NELL1: variants seen among roughly 807,000 people sequenced by gnomAD.
The protein encoded by NELL1 is protein kinase C-binding protein NELL1.
A neutral mutation model predicts 107.4 loss-of-function variants in NELL1; 76 were observed. That is an observed-to-expected ratio of 0.71 (90% CI 0.59 to 0.86). NELL1 has a LOEUF of 0.86. Among genes scored for constraint, NELL1 ranks in the 40% least tolerant of loss-of-function variants. The pLI is 0.00. For missense variants in NELL1, 1,024 were observed against 1,005.5 expected, an observed-to-expected ratio of 1.02 and a Z score of -0.25; for synonymous variants, 353 against 341.2, an observed-to-expected ratio of 1.03 and a Z score of -0.38.
intron 14 of NELL1, among the ~76,000 whole-genome samples, chr11:21,300,471 G>A (rs1489998808): frequency 6.6e-6 from 1 of 151,988 alleles, no homozygotes; most frequent in African/African-American, 2.4e-5. Flanking sequence ...GTGATGAGAA[G>A]TGGTTTATAC....
chr11:21,337,161 G>A (rs2133695277), intron 14 of NELL1, among the ~76,000 whole-genome samples: 1 of 152,150 alleles, frequency 6.6e-6, no homozygotes, highest in East Asian at 1.9e-4. Flanking sequence ...AGTATTTCCT[G>A]AAAATGGAAC....
chr11:20,844,835 G>A (rs1211328222), intron 3 of NELL1, among the ~76,000 whole-genome samples: 2 of 152,244 alleles, frequency 1.3e-5, no homozygotes, highest in South Asian at 2.1e-4. Flanking sequence ...AATTTCCACA[G>A]GTGATGCTGC....
At chr11:21,182,254 C>T (rs1423427152) in intron 13 of NELL1, among the ~76,000 whole-genome samples, 3 of 151,540 alleles carry the variant, frequency 2.0e-5, no homozygotes, top group South Asian at 4.2e-4. Context: ...GCCAACATAG[C>T]GAAACCCCGT....
At chr11:21,537,428 C>G (rs1218457565) in intron 16 of NELL1, among the ~76,000 whole-genome samples, 3 of 152,074 alleles carry the variant, frequency 2.0e-5, no homozygotes, top group African/African-American at 4.8e-5. Context: ...AGGGCCTTTG[C>G]CTTTACTGTT....
chr11:21,217,516 G>A (rs1857645124), intron 13 of NELL1, among the ~76,000 whole-genome samples: 1 of 152,078 alleles, frequency 6.6e-6, no homozygotes, highest in South Asian at 2.1e-4. Flanking sequence ...AATTCTTTTG[G>A]ATGACATAGT....
intron 5 of NELL1, among the ~76,000 whole-genome samples, chr11:20,911,682 C>G (rs537405563): frequency 6.6e-6 from 1 of 152,274 alleles, no homozygotes; most frequent in South Asian, 2.1e-4. Flanking sequence ...CAATTTCACC[C>G]AGTCCATCTT....
At chr11:21,322,551 G>A (rs190216564) in intron 14 of NELL1, among the ~76,000 whole-genome samples, 1 of 151,922 alleles carries the variant, frequency 6.6e-6, no homozygotes, top group Admixed American at 6.6e-5. Context: ...ATCAGAAAAT[G>A]GTATAAAATG....
chr11:20,736,458 A>G (rs2133928457), intron 2 of NELL1, among the ~76,000 whole-genome samples: 1 of 146,478 alleles, frequency 6.8e-6, no homozygotes, highest in East Asian at 2.2e-4. Flanking sequence ...CCAGCGTCAA[A>G]GCTGGCCCCT....
At chr11:21,319,642 G>A (rs1030265540) in intron 14 of NELL1, among the ~76,000 whole-genome samples, 3 of 151,186 alleles carry the variant, frequency 2.0e-5, no homozygotes, top group Admixed American at 6.6e-5. Context: ...GCGCCCAGCC[G>A]GAAACTATTC....
At chr11:21,166,854 T>A (rs1032555820) in intron 13 of NELL1, among the ~76,000 whole-genome samples, 2 of 151,928 alleles carry the variant, frequency 1.3e-5, no homozygotes, top group African/African-American at 4.9e-5. Context: ...GGCCTTTTGT[T>A]ATTAAAAGAC....
intron 12 of NELL1, among the ~76,000 whole-genome samples, chr11:20,978,375 A>G (rs10766753): frequency 0.17 from 25,236 of 152,140 alleles, 2,396 homozygotes; most frequent in Middle Eastern, 0.28. Context: ...CCAAGTTTAT[A>G]CTGTTAATAA....
At chr11:20,679,858 ATTTCT>A (rs1297196966) in intron 2 of NELL1, among the ~76,000 whole-genome samples, 1 of 152,176 alleles carries the variant, frequency 6.6e-6, no homozygotes, top group African/African-American at 2.4e-5. Context: ...TGGAATTAAA[ATTTCT>A]TTTGTACTAT....
intron 2 of NELL1, among the ~76,000 whole-genome samples, chr11:20,777,330 A>G (rs745508772): frequency 6.6e-6 from 1 of 152,236 alleles, no homozygotes; most frequent in Non-Finnish European, 1.5e-5. Flanking sequence ...CAGTAATAAG[A>G]TATACAGGTT....
intron 5 of NELL1, among the ~76,000 whole-genome samples, chr11:20,906,022 A>G (rs1024708927): frequency 7.2e-5 from 11 of 152,198 alleles, no homozygotes; most frequent in Admixed American, 1.3e-4. Context: ...CGCAAAGAGA[A>G]TCTTGAGAGC....
At chr11:21,448,359 T>G (rs1853494320) in intron 15 of NELL1, among the ~76,000 whole-genome samples, 1 of 152,228 alleles carries the variant, frequency 6.6e-6, no homozygotes, top group Non-Finnish European at 1.5e-5. Context: ...ATATTTTCTT[T>G]GTGTTTTCTT....
chr11:21,342,123 G>T (rs1341554323), intron 14 of NELL1, among the ~76,000 whole-genome samples: 2 of 152,050 alleles, frequency 1.3e-5, no homozygotes, highest in Non-Finnish European at 2.9e-5. Flanking sequence ...GGTGAGAGAA[G>T]GTATATAAAA....
chr11:20,957,617 ATATT>A (rs1415509646), intron 11 of NELL1, among the ~76,000 whole-genome samples: 10 of 152,238 alleles, frequency 6.6e-5, no homozygotes, highest in African/African-American at 2.4e-4. Context: ...TCAATATAAA[ATATT>A]TATATGTAAC....
chr11:21,375,503 G>A (rs1468750463), intron 15 of NELL1, among the ~76,000 whole-genome samples: 1 of 152,114 alleles, frequency 6.6e-6, no homozygotes, highest in African/African-American at 2.4e-5. Flanking sequence ...TGTGAATAGT[G>A]CTGCAACGAA....
At chr11:21,443,625 T>C (rs1292235577) in intron 15 of NELL1, among the ~76,000 whole-genome samples, 1 of 152,048 alleles carries the variant, frequency 6.6e-6, no homozygotes, top group African/African-American at 2.4e-5. Context: ...GTTGGGCTCA[T>C]GCCTGTAATC....
Sources: gnomAD v4.1 joint callset for allele counts (sites outside exome capture counted in the v4.1 genomes callset) on GRCh38, gnomAD v4.1.1 for gene constraint, MANE v1.5 for transcripts, NCBI Gene and HGNC (gene_info 2026-07-23, HGNC 2026-07-21) for gene names.